The following THADA variants were observed in gnomAD, a reference collection of about 807,000 sequenced individuals.
THADA encodes the protein tRNA (32-2'-O)-methyltransferase regulator THADA.
Under a neutral mutation model 219.8 loss-of-function variants are expected in THADA, and 213 were observed. That is an observed-to-expected ratio of 0.97 (90% CI 0.87 to 1.09). The LOEUF (loss-of-function observed/expected upper bound fraction) is 1.09, where lower values mean the gene tolerates loss of function less well. THADA is among the 50% of genes least tolerant of loss of function. The probability of loss-of-function intolerance (pLI) is 0.00; values close to 1 mark genes in which losing one functional copy is unlikely to be tolerated. For missense variants in THADA, 2,956 were observed against 2,311.3 expected, an observed-to-expected ratio of 1.28 and a Z score of -5.72; for synonymous variants, 1,018 against 828.9, an observed-to-expected ratio of 1.23 and a Z score of -3.92.
intron 29 of THADA, among the ~76,000 whole-genome samples, chr2:43,373,605 T>C (rs186294870): frequency 2.6e-5 from 4 of 152,194 alleles, no homozygotes; most frequent in Non-Finnish European, 4.4e-5. Flanking sequence ...GCCTCCCAAG[T>C]AGCTGGGATT....
chr2:43,361,481 AC>A (rs1669517511), intron 29 of THADA, among the ~76,000 whole-genome samples: 1 of 152,136 alleles, frequency 6.6e-6, no homozygotes, highest in Non-Finnish European at 1.5e-5. Flanking sequence ...AAGGAGACTC[AC>A]TTCACTCCTC....
At chr2:43,294,796 G>A (rs1285826649) in intron 31 of THADA, among the ~76,000 whole-genome samples, 3 of 152,100 alleles carry the variant, frequency 2.0e-5, no homozygotes, top group East Asian at 3.9e-4. Flanking sequence ...TTTAAGAAAC[G>A]CTGAAGGTCT....
intron 36 of THADA, among the ~76,000 whole-genome samples, chr2:43,254,433 A>G (rs1333523039): frequency 6.6e-6 from 1 of 151,960 alleles, no homozygotes; most frequent in East Asian, 1.9e-4. Flanking sequence ...TGCCTCCCTT[A>G]TGCTGAAGTG....
chr2:43,258,109 G>T (rs1670530347), intron 36 of THADA, among the ~76,000 whole-genome samples: 1 of 152,178 alleles, frequency 6.6e-6, no homozygotes. Context: ...GGCCCACGGA[G>T]CAGGCTTGCA....
chr2:43,456,670 A>T (rs1034510175), intron 26 of THADA, among the ~76,000 whole-genome samples: 1 of 152,148 alleles, frequency 6.6e-6, no homozygotes, highest in African/African-American at 2.4e-5. Flanking sequence ...TAATGCATCA[A>T]CAAATCACAA....
chr2:43,308,373 G>A (rs752312763), intron 31 of THADA, among the ~76,000 whole-genome samples: 55 of 151,682 alleles, frequency 3.6e-4, no homozygotes, highest in Admixed American at 5.9e-4. Context: ...AGAAAGAAAG[G>A]AAAAAGGGCA....
intron 8 of THADA, among the ~76,000 whole-genome samples, chr2:43,579,893 T>A (rs539080363): frequency 1.3e-5 from 2 of 152,104 alleles, no homozygotes; most frequent in African/African-American, 4.8e-5. Flanking sequence ...CCTCTGAACT[T>A]GTTATGTGGG....
intron 30 of THADA, 157 bp downstream of exon 30, chr2:43,343,965 C>T: frequency 1.8e-6 from 1 of 551,218 alleles, no homozygotes; most frequent in South Asian, 2.9e-5. Context: ...ATTTTTCTTT[C>T]TTTACCACAA....
chr2:43,570,318 C>G, intron 14 of THADA, 70 bp downstream of exon 14: 2 of 1,411,776 alleles, frequency 1.4e-6, no homozygotes, highest in Non-Finnish European at 1.9e-6. Context: ...CATTTATTTC[C>G]CTTTAATGCT....
Position 43,552,254 on chromosome 2 carries a change from C to T in THADA, c.2760G>A (p.Met920Ile). 2 of 1,611,790 alleles carry T rather than the reference C, an allele frequency of 1.2e-6. No individual in the cohort carries two copies. Among genetic ancestry groups the T allele is most frequent in the South Asian group, 2.2e-5 (2 of 90,428 alleles). ...CTGTTATACAGTGGACTCGCCCATA[C>T]ATTGGAAATGCTGCTGCTGCCTGAA... ...SLLQAAAAFP[M>I]YGRVHCITGA... The change falls in exon 18 of 38, where the codon ATG becomes ATA. Residue 920 changes from methionine (M) to isoleucine (I), a missense_variant. By Grantham distance (10) the Met-to-Ile change is conservative. Coordinates refer to ENST00000405975, the MANE Select transcript of THADA (RefSeq NM_022065.5).
At chr2:43,281,232 A>G (rs1302447208) in intron 35 of THADA, among the ~76,000 whole-genome samples, 2 of 152,158 alleles carry the variant, frequency 1.3e-5, no homozygotes, top group Non-Finnish European at 2.9e-5. Flanking sequence ...TCTTCTTTTC[A>G]TTACAGATCT....
In THADA at chr2:43,468,446, C is replaced by A. The variant is rs145939586; in HGVS notation, c.3836+16788G>T. 2.4e-3 allele frequency among the ~76,000 whole-genome samples: 366 copies of A among 152,158 alleles called. 1 individual carries two copies. Among genetic ancestry groups the A allele is most frequent in the African/African-American group, 8.7e-3 (361 of 41,516 alleles). On this transcript the variant is annotated intron_variant, in intron 26 of 37. Transcript: ENST00000405975. ...TAACTCCATTTGGCTGAATAAGCAA[C>A]AAAATTAAATATTTTTTAAAGGCCC... is the stretch of plus-strand genomic sequence containing the variant.
chr2:43,557,367 T>C (rs1285261259), intron 16 of THADA, among the ~76,000 whole-genome samples: 1 of 152,206 alleles, frequency 6.6e-6, no homozygotes, highest in Non-Finnish European at 1.5e-5. Flanking sequence ...GGGCAGTTCA[T>C]AGTCTCTCAG....
intron 26 of THADA, 124 bp downstream of exon 26, chr2:43,485,110 G>C (rs1458760191): frequency 1.5e-6 from 1 of 679,332 alleles, no homozygotes; most frequent in African/African-American, 1.8e-5. Context: ...ATTCATTACA[G>C]TATTTTTATA....
chr2:43,484,667 A>G (rs1278483816), intron 26 of THADA, among the ~76,000 whole-genome samples: 1 of 152,150 alleles, frequency 6.6e-6, no homozygotes, highest in African/African-American at 2.4e-5. Flanking sequence ...CAGGCATAAC[A>G]AAAAAGCTGT....
chr2:43,421,500 T>G (rs970267527), intron 28 of THADA, among the ~76,000 whole-genome samples: 3 of 152,194 alleles, frequency 2.0e-5, no homozygotes, highest in Non-Finnish European at 4.4e-5. Context: ...GAGCAAGGCT[T>G]GGAGACCCCT....
intron 27 of THADA, among the ~76,000 whole-genome samples, chr2:43,429,186 C>G (rs899554819): frequency 1.3e-5 from 2 of 152,008 alleles, no homozygotes; most frequent in Non-Finnish European, 2.9e-5. Context: ...CAGCTCACTG[C>G]AACCTCTGCC....
chr2:43,232,580 G>C (rs912712838), intron 37 of THADA, 133 bp downstream of exon 37: 7 of 972,780 alleles, frequency 7.2e-6, no homozygotes, highest in Admixed American at 2.5e-5. Flanking sequence ...GCAGCACCCA[G>C]TGGGTGACTT....
intron 22 of THADA, among the ~76,000 whole-genome samples, chr2:43,519,187 G>A (rs367600500): frequency 2.1e-4 from 32 of 152,104 alleles, no homozygotes; most frequent in African/African-American, 7.7e-4. Flanking sequence ...ATGCTAGGTT[G>A]AAAGTTCCTC....
Sources: gnomAD v4.1 joint callset for allele counts (sites outside exome capture counted in the v4.1 genomes callset) on GRCh38, gnomAD v4.1.1 for gene constraint, MANE v1.5 for transcripts, NCBI Gene and HGNC (gene_info 2026-07-23, HGNC 2026-07-21) for gene names.